SORCS1: variants seen among roughly 807,000 people sequenced by gnomAD.
The protein encoded by SORCS1 is VPS10 domain-containing receptor SorCS1.
SORCS1 carries 60 observed loss-of-function variants against 146.1 expected under a neutral mutation model. The observed-to-expected ratio is 0.41, with a 90% CI of 0.33 to 0.51. SORCS1 has a LOEUF of 0.51. Among genes scored for constraint, SORCS1 ranks in the 20% least tolerant of loss-of-function variants. SORCS1 has a pLI of 0.21. For synonymous variants in SORCS1, 637 were observed against 584.0 expected (o/e 1.09, Z -1.31); for missense variants, 1,352 against 1,487.6 (o/e 0.91, Z 1.50).
chr10:107,156,746 G>C (rs1450806145), intron 1 of SORCS1, among the ~76,000 whole-genome samples: 2 of 152,174 alleles, frequency 1.3e-5, no homozygotes, highest in Non-Finnish European at 2.9e-5. Context: ...GGAAGACGTA[G>C]TGAGACCACC....
At chr10:107,059,416 A>G (rs565641407) in intron 1 of SORCS1, among the ~76,000 whole-genome samples, 1 of 152,318 alleles carries the variant, frequency 6.6e-6, no homozygotes, top group East Asian at 1.9e-4. Context: ...TTGAAACAAA[A>G]GCAATTACTT....
chr10:106,877,274 T>C (rs1950624468), intron 2 of SORCS1, among the ~76,000 whole-genome samples: 2 of 152,102 alleles, frequency 1.3e-5, no homozygotes, highest in South Asian at 2.1e-4. Context: ...TTTGAACAAG[T>C]AGAACTCTAT....
At chr10:107,010,917 C>T (rs1227455828) in intron 1 of SORCS1, among the ~76,000 whole-genome samples, 3 of 152,094 alleles carry the variant, frequency 2.0e-5, no homozygotes, top group Admixed American at 1.3e-4. Flanking sequence ...GAGACAGGAA[C>T]ACAGTGATTT....
chr10:106,985,818 A>AGCT (rs1564889895), intron 1 of SORCS1, among the ~76,000 whole-genome samples: 1 of 152,074 alleles, frequency 6.6e-6, no homozygotes, highest in Non-Finnish European at 1.5e-5. Flanking sequence ...TACAGGTATC[A>AGCT]GCCACCGAGC....
chr10:106,817,188 A>G (rs1362456514), intron 3 of SORCS1, among the ~76,000 whole-genome samples: 4 of 152,166 alleles, frequency 2.6e-5, no homozygotes, highest in Non-Finnish European at 1.5e-5. Context: ...TCCCCAGCAC[A>G]AGTTCAGCTG....
intron 3 of SORCS1, among the ~76,000 whole-genome samples, chr10:106,779,050 G>A (rs938269672): frequency 1.3e-5 from 2 of 151,884 alleles, no homozygotes; most frequent in Non-Finnish European, 2.9e-5. Context: ...GCAGAGTAAC[G>A]CACATATTTC....
intron 2 of SORCS1, among the ~76,000 whole-genome samples, chr10:106,878,165 CTTTT>C (rs35701765): frequency 4.3e-5 from 6 of 141,070 alleles, no homozygotes; most frequent in Admixed American, 3.5e-4. Flanking sequence ...GCAGACAGGG[CTTTT>C]TTTTTTTTTT....
chr10:107,031,319 A>ATT (rs60052529), intron 1 of SORCS1, among the ~76,000 whole-genome samples: 51 of 151,454 alleles, frequency 3.4e-4, no homozygotes, highest in African/African-American at 1.1e-3. Flanking sequence ...CCCTTGCCAG[A>ATT]TTTTTTTTTC....
At chr10:107,036,239 C>A (rs867920073) in intron 1 of SORCS1, among the ~76,000 whole-genome samples, 1 of 152,078 alleles carries the variant, frequency 6.6e-6, no homozygotes, top group Non-Finnish European at 1.5e-5. Flanking sequence ...AGTATAACAA[C>A]TATTTTCTCA....
intron 2 of SORCS1, among the ~76,000 whole-genome samples, chr10:106,955,953 C>A (rs558692581): frequency 1.6e-4 from 24 of 152,026 alleles, no homozygotes; most frequent in African/African-American, 5.5e-4. Flanking sequence ...GATGGAGAAA[C>A]CCCATCTCTA....
intron 2 of SORCS1, among the ~76,000 whole-genome samples, chr10:106,954,626 A>G (rs1420901856): frequency 1.3e-5 from 2 of 152,164 alleles, no homozygotes; most frequent in Non-Finnish European, 2.9e-5. Flanking sequence ...TAATTTTTCA[A>G]ATGAATAGGT....
At chr10:106,935,425 T>G (rs1309543190) in intron 2 of SORCS1, among the ~76,000 whole-genome samples, 1 of 152,208 alleles carries the variant, frequency 6.6e-6, no homozygotes, top group East Asian at 1.9e-4. Flanking sequence ...CCTGGCTTCC[T>G]ACCTGCAAAA....
chr10:106,865,096 T>G (rs11193080), intron 2 of SORCS1, among the ~76,000 whole-genome samples: 65,812 of 151,644 alleles, frequency 0.43, 14,318 homozygotes, highest in East Asian at 0.49. Flanking sequence ...AGGGGCTGAA[T>G]CAGACCCCTG....
intron 17 of SORCS1, among the ~76,000 whole-genome samples, chr10:106,658,983 T>C (rs1850514424): frequency 6.6e-6 from 1 of 152,226 alleles, no homozygotes; most frequent in South Asian, 2.1e-4. Context: ...TGACTCTTCA[T>C]CAATAGACAC....
chr10:106,610,926 A>G (rs1421352515), intron 22 of SORCS1, among the ~76,000 whole-genome samples: 2 of 152,102 alleles, frequency 1.3e-5, no homozygotes, highest in African/African-American at 2.4e-5. Flanking sequence ...TAAAATACGA[A>G]AAAAATAGCT....
At chr10:106,864,610 G>A (rs114582224) in intron 2 of SORCS1, among the ~76,000 whole-genome samples, 234 of 152,292 alleles carry the variant, frequency 1.5e-3, no homozygotes, top group African/African-American at 5.4e-3. Flanking sequence ...CCAGGGGAAT[G>A]AGTAGCATTC....
At chr10:106,904,328 T>C (rs943653107) in intron 2 of SORCS1, among the ~76,000 whole-genome samples, 5 of 152,186 alleles carry the variant, frequency 3.3e-5, no homozygotes, top group African/African-American at 1.2e-4. Flanking sequence ...TCAGCTCTAA[T>C]CAAGACACAT....
At chr10:106,717,211 G>A (rs548662589) in intron 6 of SORCS1, among the ~76,000 whole-genome samples, 1 of 152,082 alleles carries the variant, frequency 6.6e-6, no homozygotes, top group African/African-American at 2.4e-5. Context: ...CCATACAAGC[G>A]CATATAACTT....
chr10:107,071,152 C>A (rs1424238303), intron 1 of SORCS1, among the ~76,000 whole-genome samples: 9 of 152,130 alleles, frequency 5.9e-5, no homozygotes, highest in Admixed American at 4.6e-4. Flanking sequence ...GGAGCATGGA[C>A]CCTGGCAGAG....
Sources: gnomAD v4.1 joint callset for allele counts (sites outside exome capture counted in the v4.1 genomes callset) on GRCh38, gnomAD v4.1.1 for gene constraint, MANE v1.5 for transcripts, NCBI Gene and HGNC (gene_info 2026-07-23, HGNC 2026-07-21) for gene names.